The following ZC3H12B variants were observed in gnomAD, a reference collection of about 807,000 sequenced individuals.
The protein encoded by ZC3H12B is zinc finger CCCH-type containing 12B.
A neutral mutation model predicts 43.9 loss-of-function variants in ZC3H12B; 7 were observed. The ratio of observed to expected loss-of-function variants is 0.16; its 90% CI spans 0.09 to 0.30. ZC3H12B has a LOEUF of 0.30. Among genes scored for constraint, ZC3H12B ranks in the 10% least tolerant of loss-of-function variants. ZC3H12B has a pLI of 1.00. For synonymous variants in ZC3H12B, 222 were observed against 241.7 expected, an observed-to-expected ratio of 0.92 and a Z score of 0.76; for missense variants, 475 against 670.2, an observed-to-expected ratio of 0.71 and a Z score of 3.22.
the ZC3H12B span, among the ~76,000 whole-genome samples, chrX:65,122,146 G>C: frequency 9.0e-6 from 1 of 111,204 alleles, no homozygotes; most frequent in Non-Finnish European, 1.9e-5. Context: ...GGAGAGTTTT[G>C]TAGATGTCTA....
At chrX:65,419,097 C>T (rs145242345) in intron 3 of ZC3H12B, among the ~76,000 whole-genome samples, 1 of 110,637 alleles carries the variant, frequency 9.0e-6, no homozygotes, top group Non-Finnish European at 1.9e-5. Context: ...TCTTGGTGGG[C>T]CCGTGGGTCC....
the ZC3H12B span, among the ~76,000 whole-genome samples, chrX:65,102,128 A>G: frequency 8.9e-6 from 1 of 112,035 alleles, no homozygotes; most frequent in Non-Finnish European, 1.9e-5. Context: ...AACCAATGAG[A>G]AAAACCACAT....
At chrX:65,213,923 A>G in the ZC3H12B span, among the ~76,000 whole-genome samples, 2 of 100,276 alleles carry the variant, frequency 2.0e-5, no homozygotes, top group Non-Finnish European at 3.8e-5. Flanking sequence ...ACACACATAT[A>G]TGTACACACA....
chrX:65,169,648 A>G, the ZC3H12B span, among the ~76,000 whole-genome samples: 10 of 111,538 alleles, frequency 9.0e-5, no homozygotes, highest in Non-Finnish European at 1.9e-4. Flanking sequence ...AAAGTCTCCC[A>G]TTTTTACTGT....
At chrX:65,252,964 G>T in the ZC3H12B span, among the ~76,000 whole-genome samples, 10 of 112,132 alleles carry the variant, frequency 8.9e-5, no homozygotes, top group African/African-American at 2.9e-4. Context: ...TAGAAGTTAG[G>T]TGAACATGTA....
At chrX:65,436,224 A>G (rs1449462395) in intron 3 of ZC3H12B, among the ~76,000 whole-genome samples, 1 of 111,715 alleles carries the variant, frequency 9.0e-6, no homozygotes, top group East Asian at 2.8e-4. Context: ...AGCAAGGGGG[A>G]TGTCTGCCCC....
At chrX:65,241,756 G>C in the ZC3H12B span, among the ~76,000 whole-genome samples, 2 of 112,144 alleles carry the variant, frequency 1.8e-5, no homozygotes, top group Admixed American at 1.9e-4. Context: ...TCTCCAGCCT[G>C]TTTTCCAATC....
At chrX:65,386,440 G>T (rs1270520438) in intron 2 of ZC3H12B, among the ~76,000 whole-genome samples, 1 of 111,951 alleles carries the variant, frequency 8.9e-6, no homozygotes, top group Non-Finnish European at 1.9e-5. Flanking sequence ...GCGTAGAGGT[G>T]TTTATAGTAT....
the ZC3H12B span, among the ~76,000 whole-genome samples, chrX:65,176,530 G>T: frequency 9.0e-6 from 1 of 111,632 alleles, no homozygotes; most frequent in African/African-American, 3.3e-5. Context: ...CAGCACTGGA[G>T]CTCTGCTAAG....
At chrX:65,306,178 T>C in the ZC3H12B span, among the ~76,000 whole-genome samples, 1 of 112,064 alleles carries the variant, frequency 8.9e-6, no homozygotes, top group Non-Finnish European at 1.9e-5. Context: ...TCAATAGAAA[T>C]GAACTTTTTG....
At chrX:65,102,741 C>T in the ZC3H12B span, among the ~76,000 whole-genome samples, 4 of 111,493 alleles carry the variant, frequency 3.6e-5, no homozygotes, top group Admixed American at 1.9e-4. Flanking sequence ...GGGAACCCGT[C>T]CCCGATAATT....
the ZC3H12B span, among the ~76,000 whole-genome samples, chrX:65,084,216 G>C: frequency 2.1e-4 from 23 of 111,676 alleles, no homozygotes; most frequent in Admixed American, 5.7e-4. Context: ...TTTTTGAGCA[G>C]TACTCCACAA....
At chrX:65,171,782 G>C in the ZC3H12B span, among the ~76,000 whole-genome samples, 2 of 110,973 alleles carry the variant, frequency 1.8e-5, no homozygotes, top group African/African-American at 6.6e-5. Flanking sequence ...CTTTCAGTTC[G>C]ATCTCAGACT....
the ZC3H12B span, among the ~76,000 whole-genome samples, chrX:65,229,448 C>A: frequency 9.3e-6 from 1 of 107,932 alleles, no homozygotes; most frequent in Non-Finnish European, 1.9e-5. Flanking sequence ...AAAACCTAGG[C>A]ATTACCATTC....
chrX:65,368,543 C>G (rs1173981371), intron 1 of ZC3H12B, among the ~76,000 whole-genome samples: 1 of 111,522 alleles, frequency 9.0e-6, no homozygotes, highest in Non-Finnish European at 1.9e-5. Context: ...ACATGTAACT[C>G]AGCTATTATT....
intron 3 of ZC3H12B, among the ~76,000 whole-genome samples, chrX:65,440,904 T>C (rs1230663634): frequency 8.9e-6 from 1 of 112,664 alleles, no homozygotes; most frequent in African/African-American, 3.2e-5. Flanking sequence ...TTTCTTTACT[T>C]TGCTGCCATT....
intron 3 of ZC3H12B, among the ~76,000 whole-genome samples, chrX:65,458,495 T>A (rs1273295401): frequency 1.8e-5 from 2 of 111,665 alleles, no homozygotes; most frequent in Non-Finnish European, 3.8e-5. Context: ...AGAACAGGAA[T>A]CACAACAAAC....
At chrX:65,125,612 C>T in the ZC3H12B span, among the ~76,000 whole-genome samples, 2 of 111,216 alleles carry the variant, frequency 1.8e-5, no homozygotes, top group African/African-American at 3.3e-5. Flanking sequence ...CCATCTATCT[C>T]ATTTCTTAGG....
the ZC3H12B span, among the ~76,000 whole-genome samples, chrX:65,146,249 C>T: frequency 1.8e-5 from 2 of 111,376 alleles, no homozygotes; most frequent in South Asian, 7.6e-4. Context: ...CTCTGAAGTG[C>T]TTTATTTTAC....
Sources: allele counts gnomAD v4.1 joint callset (sites outside exome capture counted in the v4.1 genomes callset), GRCh38; gene constraint gnomAD v4.1.1; transcripts MANE v1.5; gene names NCBI Gene and HGNC (gene_info 2026-07-23, HGNC 2026-07-21).